The following UGT1A6 variants were observed in gnomAD, a reference collection of about 807,000 sequenced individuals.
UGT1A6 encodes UDP glucuronosyltransferase family 1 member A6, also known as UDP-glucuronosyltransferase 1A6.
Under a neutral mutation model 44.4 loss-of-function variants are expected in UGT1A6, and 32 were observed. The ratio of observed to expected loss-of-function variants is 0.72; its 90% CI spans 0.54 to 0.97. The LOEUF is 0.97. UGT1A6 is among the 50% of genes least tolerant of loss of function. The probability of loss-of-function intolerance (pLI) is 0.00; values close to 1 mark genes in which losing one functional copy is unlikely to be tolerated. For synonymous variants in UGT1A6, 238 were observed against 248.5 expected (o/e 0.96, Z 0.40); for missense variants, 685 against 661.9 (o/e 1.03, Z -0.38).
At chr2:233,764,368 C>T (rs546564495) in intron 1 of UGT1A6, among the ~76,000 whole-genome samples, 6 of 152,276 alleles carry the variant, frequency 3.9e-5, no homozygotes, top group Non-Finnish European at 8.8e-5. Context: ...TAGTAGCTGG[C>T]TCAGGTAGGA....
Position 233,728,224 on chromosome 2 carries a change from T to A in UGT1A6, c.861+34359T>A, listed in dbSNP as rs556375037. Among the ~76,000 whole-genome samples, 261 of 152,314 alleles carry A rather than the reference T, an allele frequency of 1.7e-3. 4 individuals are homozygous for A. The highest frequency in any genetic ancestry group is 5.7e-4 in the Non-Finnish European group (39 of 68,034). On this transcript the variant is annotated intron_variant, in intron 1 of 4. Coordinates refer to ENST00000305139, the MANE Select transcript of UGT1A6 (RefSeq NM_001072.4). ...GACTTGGAGAAGAGCCTGACCATAA[T>A]CTTCAGGATGAAATAAAGGCCTGGA...
At chr2:233,771,806 T>C (rs1391342428) in intron 4 of UGT1A6, among the ~76,000 whole-genome samples, 2 of 140,682 alleles carry the variant, frequency 1.4e-5, no homozygotes, top group South Asian at 5.4e-4. Flanking sequence ...CTCCCTCCCT[T>C]CCTCCTTTCC....
At chr2:233,746,129 C>T (rs191765409) in intron 1 of UGT1A6, among the ~76,000 whole-genome samples, 2 of 151,948 alleles carry the variant, frequency 1.3e-5, no homozygotes, top group East Asian at 3.9e-4. Flanking sequence ...AAACTGTGGA[C>T]TGGCACCTGA....
intron 1 of UGT1A6, chr2:233,743,986 G>A (rs1692630126): frequency 1.6e-6 from 2 of 1,282,376 alleles, no homozygotes; most frequent in South Asian, 2.6e-5. Context: ...CCCAGGCGCA[G>A]GCCCGAGTGC....
chr2:233,755,959 G>C (rs2125939484), intron 1 of UGT1A6: 1 of 152,196 alleles, frequency 6.6e-6, no homozygotes, highest in East Asian at 1.9e-4. Flanking sequence ...TTTAGTACTT[G>C]GCTCTATAGA....
chr2:233,693,331 G>C lies in UGT1A6; in HGVS notation c.327G>C (p.Gln109His), dbSNP rs754916452. The C allele has an allele frequency of 2.1e-5, 34 of 1,614,074 alleles. No homozygotes were observed. Among genetic ancestry groups the C allele is most frequent in the Non-Finnish European group, 2.8e-5 (33 of 1,180,046 alleles). ...FAERSFLTAP[Q>H]TEYRNNMIVI... ...AGCGATCATTCCTAACTGCTCCTCA[G>C]ACAGAGTACAGGAATAACATGATTG... The change falls in exon 1 of 5, where the codon CAG becomes CAC. Residue 109 changes from glutamine to histidine, a missense_variant. Gln to His is a conservative substitution (Grantham distance 24). Coordinates refer to ENST00000305139, the MANE Select transcript of UGT1A6 (RefSeq NM_001072.4).
intron 1 of UGT1A6, chr2:233,753,251 C>T (rs1242257828): frequency 6.6e-6 from 1 of 152,206 alleles, no homozygotes; most frequent in African/African-American, 2.4e-5. Flanking sequence ...TAAGAAGCAA[C>T]TACCCAGGCA....
chr2:233,726,853 CAT>C (rs1443656538), intron 1 of UGT1A6, among the ~76,000 whole-genome samples: 1 of 152,180 alleles, frequency 6.6e-6, no homozygotes, highest in Non-Finnish European at 1.5e-5. Context: ...TCCTTTTCTC[CAT>C]AGTCTTCTAT....
At chr2:233,747,315 A>G (rs1575682403) in intron 1 of UGT1A6, 17 of 1,603,040 alleles carry the variant, frequency 1.1e-5, no homozygotes, top group Admixed American at 6.7e-5. Flanking sequence ...TGCTGGTGGT[A>G]CCCATTGATG....
At chr2:233,768,705 T>C (rs536691348) in intron 4 of UGT1A6, among the ~76,000 whole-genome samples, 10 of 148,550 alleles carry the variant, frequency 6.7e-5, no homozygotes, top group Admixed American at 6.1e-4. Flanking sequence ...TGCCTCAGCC[T>C]CCGTGTAGCT....
intron 1 of UGT1A6, among the ~76,000 whole-genome samples, chr2:233,732,853 A>C (rs1238557082): frequency 6.7e-6 from 1 of 149,098 alleles, no homozygotes; most frequent in Non-Finnish European, 1.5e-5. Context: ...TTGTGAAGTC[A>C]TTGGTAGCTT....
At chr2:233,710,115 A>G (rs893125618) in intron 1 of UGT1A6, among the ~76,000 whole-genome samples, 1 of 152,072 alleles carries the variant, frequency 6.6e-6, no homozygotes, top group Non-Finnish European at 1.5e-5. Flanking sequence ...ATTCGTTTCT[A>G]TTTCCGAGTA....
chr2:233,737,179 C>T (rs2078848793), intron 1 of UGT1A6, among the ~76,000 whole-genome samples: 1 of 152,230 alleles, frequency 6.6e-6, no homozygotes, highest in South Asian at 2.1e-4. Context: ...TCTATAGCGG[C>T]AGTAGCCCTT....
chr2:233,747,843 G>C, intron 1 of UGT1A6: 1 of 1,613,470 alleles, frequency 6.2e-7, no homozygotes, highest in African/African-American at 1.3e-5. Context: ...CCTGCAAAGG[G>C]TCAAGAACAT....
At chr2:233,713,794 C>A in intron 1 of UGT1A6, 1 of 1,614,030 alleles carries the variant, frequency 6.2e-7, no homozygotes, top group South Asian at 1.1e-5. Flanking sequence ...TACCCCAGGC[C>A]GATCATGCCC....
intron 1 of UGT1A6, among the ~76,000 whole-genome samples, chr2:233,747,063 C>T (rs1043873041): frequency 4.6e-5 from 7 of 151,894 alleles, no homozygotes; most frequent in African/African-American, 1.2e-4. Flanking sequence ...ATTGGTTAAT[C>T]GGTAATAATT....
chr2:233,759,584 C>G (rs1003659930), intron 1 of UGT1A6, among the ~76,000 whole-genome samples: 4 of 149,800 alleles, frequency 2.7e-5, no homozygotes, highest in African/African-American at 9.9e-5. Flanking sequence ...TACCCCAGCA[C>G]GCCCCCCACC....
At chr2:233,704,471 C>A (rs1485510599) in intron 1 of UGT1A6, among the ~76,000 whole-genome samples, 1 of 152,068 alleles carries the variant, frequency 6.6e-6, no homozygotes, top group Admixed American at 6.6e-5. Context: ...TATTTCCTTT[C>A]TCCCCTTTTT....
intron 1 of UGT1A6, among the ~76,000 whole-genome samples, chr2:233,734,963 T>A (rs1419315489): frequency 6.6e-6 from 1 of 152,234 alleles, no homozygotes; most frequent in Non-Finnish European, 1.5e-5. Context: ...ATAAGTGTGA[T>A]GTGGTGCTGA....
Sources: gnomAD v4.1 joint callset for allele counts (sites outside exome capture counted in the v4.1 genomes callset) on GRCh38, gnomAD v4.1.1 for gene constraint, MANE v1.5 for transcripts, NCBI Gene and HGNC (gene_info 2026-07-23, HGNC 2026-07-21) for gene names.